The following HEXB variants were observed in gnomAD, a reference collection of about 807,000 sequenced individuals.
HEXB encodes the protein beta-hexosaminidase subunit beta.
A neutral mutation model predicts 71.2 loss-of-function variants in HEXB; 51 were observed. That is an observed-to-expected ratio of 0.72 (90% confidence interval 0.57 to 0.90). The LOEUF (loss-of-function observed/expected upper bound fraction) is 0.90, where lower values mean the gene tolerates loss of function less well. Ranked by LOEUF, HEXB falls within the 40% of genes least tolerant of loss-of-function variation. The pLI is 0.00. For synonymous variants in HEXB, 266 were observed against 249.3 expected (o/e 1.07, Z -0.63); for missense variants, 617 against 677.0 (o/e 0.91, Z 0.98).
chr5:74,719,635 A>C (rs1749768270), intron 11 of HEXB, among the ~76,000 whole-genome samples: 1 of 152,212 alleles, frequency 6.6e-6, no homozygotes, highest in Non-Finnish European at 1.5e-5. Flanking sequence ...AAAAGCGATA[A>C]TTACTGATTT....
chr5:74,661,517 G>C (rs1407143563), intron 1 of HEXB, among the ~76,000 whole-genome samples: 73 of 4,732 alleles, frequency 0.015, no homozygotes, highest in African/African-American at 0.027. Flanking sequence ...CTCTCTCTGT[G>C]TGTGTGTGTG....
intron 1 of HEXB, among the ~76,000 whole-genome samples, chr5:74,677,490 C>CTTTTTTTTTTTTTTTTTTTTT (rs566302720): frequency 6.5e-5 from 5 of 77,290 alleles, no homozygotes; most frequent in East Asian, 4.8e-4. Context: ...TCTTCTTCTT[C>CTTTTTTTTTTTTTTTTTTTTT]TTTTTTTTTT....
At position 74,689,328 on chromosome 5, in the gene HEXB, A is replaced by G; in HGVS notation, c.300A>G (p.Arg100=). 6 of 1,611,986 alleles carry G rather than the reference A, an allele frequency of 3.7e-6. No individual in the cohort carries two copies. The South Asian group carries it at 4.4e-5, about 12-fold the overall frequency. Residue 100 remains arginine, a splice_region_variant and synonymous_variant, in exon 2 of 14, where the codon CGA becomes CGG. Coordinates refer to ENST00000261416, the MANE Select transcript of HEXB (RefSeq NM_000521.4). ...SCTLLEEAFR[R]YHGYIFGFYK... ...GTGTTTACATTTATTTCTCAAACAG[A>G]TATCATGGCTATATTTTTGGTTTCT...
At chr5:74,696,102 A>G (rs901714812) in intron 3 of HEXB, among the ~76,000 whole-genome samples, 16 of 152,200 alleles carry the variant, frequency 1.1e-4, no homozygotes, top group African/African-American at 2.7e-4. Context: ...CCCTGGCTAT[A>G]TAGCTGTCAG....
intron 1 of HEXB, among the ~76,000 whole-genome samples, chr5:74,642,995 G>A (rs188743334): frequency 2.0e-4 from 31 of 152,272 alleles, no homozygotes; most frequent in African/African-American, 6.7e-4. Flanking sequence ...CGCTTCATCT[G>A]CCTCGGGGAG....
intron 9 of HEXB, 36 bp from the exon 10 acceptor site, chr5:74,718,255 T>C: frequency 7.9e-7 from 1 of 1,265,924 alleles, no homozygotes. Flanking sequence ...GTTAAGCTTA[T>C]GATCTAAAAT....
intron 7 of HEXB, 22 bp from the exon 8 acceptor site, chr5:74,715,488 G>T (rs1170297638): frequency 2.0e-6 from 3 of 1,534,216 alleles, no homozygotes; most frequent in Non-Finnish European, 9.0e-7. Context: ...CTTTTAAAAA[G>T]AATCTTAATA....
chr5:74,665,129 A>G (rs777857444), intron 1 of HEXB, among the ~76,000 whole-genome samples: 12 of 152,216 alleles, frequency 7.9e-5, no homozygotes, highest in Non-Finnish European at 1.5e-4. Flanking sequence ...CCCAAATAAG[A>G]AAGTGGTTCA....
At chr5:74,717,439 T>C (rs1025938425) in intron 9 of HEXB, among the ~76,000 whole-genome samples, 5 of 151,786 alleles carry the variant, frequency 3.3e-5, no homozygotes, top group African/African-American at 1.2e-4. Flanking sequence ...AAGTGTTCAG[T>C]AGCCAGCTGA....
intron 3 of HEXB, 109 bp from the exon 4 acceptor site, chr5:74,696,584 A>G (rs1749117541): frequency 1.5e-6 from 1 of 671,930 alleles, no homozygotes; most frequent in African/African-American, 1.8e-5. Context: ...ATAACACTAT[A>G]TTCAATTATA....
intron 5 of HEXB, among the ~76,000 whole-genome samples, chr5:74,699,331 T>C (rs1263289629): frequency 6.6e-6 from 1 of 150,744 alleles, no homozygotes; most frequent in Admixed American, 6.6e-5. Flanking sequence ...TGGAGTGCAG[T>C]TGGCACAATC....
chr5:74,691,113 G>A (rs761396751), intron 2 of HEXB, among the ~76,000 whole-genome samples: 1 of 152,186 alleles, frequency 6.6e-6, no homozygotes, highest in African/African-American at 2.4e-5. Flanking sequence ...TGAAAGGGAA[G>A]TTTCTTGAGA....
intron 8 of HEXB, 62 bp downstream of exon 8, chr5:74,715,752 C>T (rs980059559): frequency 1.0e-4 from 124 of 1,201,604 alleles, no homozygotes; most frequent in Admixed American, 1.4e-4. Context: ...TGCGGTGGCT[C>T]ACGCCTATAA....
At chr5:74,704,672 A>G (rs924150287) in intron 5 of HEXB, among the ~76,000 whole-genome samples, 1 of 152,288 alleles carries the variant, frequency 6.6e-6, no homozygotes, top group African/African-American at 2.4e-5. Flanking sequence ...CTCCTCCCAT[A>G]CAGCAAAGTT....
chr5:74,665,879 C>T (rs820855), intron 1 of HEXB, among the ~76,000 whole-genome samples: 40,192 of 151,946 alleles, frequency 0.26, 5,471 homozygotes, highest in Non-Finnish European at 0.29. Flanking sequence ...ATCAACAATT[C>T]TCAGTCAATG....
chr5:74,655,548 C>A (rs185416772), intron 1 of HEXB, among the ~76,000 whole-genome samples: 2 of 152,102 alleles, frequency 1.3e-5, no homozygotes, highest in East Asian at 1.9e-4. Context: ...GTTGGCCAGG[C>A]TGGTGTCAAA....
chr5:74,684,188 C>T (rs1340549961), upstream of HEXB, among the ~76,000 whole-genome samples: 1 of 152,206 alleles, frequency 6.6e-6, no homozygotes, highest in Non-Finnish European at 1.5e-5. Context: ...ACTTATATAG[C>T]AGATCTGTGG....
chr5:74,675,334 A>G (rs1197388997), intron 1 of HEXB, among the ~76,000 whole-genome samples: 1 of 152,124 alleles, frequency 6.6e-6, no homozygotes, highest in Non-Finnish European at 1.5e-5. Flanking sequence ...GAACTGGGCT[A>G]TGGAGGTCCA....
At chr5:74,706,163 G>T (rs1488817303) in intron 6 of HEXB, 1 of 152,232 alleles carries the variant, frequency 6.6e-6, no homozygotes, top group Non-Finnish European at 1.5e-5. Flanking sequence ...GACAAGCCCT[G>T]CCCCATCCTG....
Sources: allele counts gnomAD v4.1 joint callset (sites outside exome capture counted in the v4.1 genomes callset), GRCh38; gene constraint gnomAD v4.1.1; transcripts MANE v1.5; gene names NCBI Gene and HGNC (gene_info 2026-07-23, HGNC 2026-07-21).